The following GNAS variants were observed in gnomAD, a reference collection of about 807,000 sequenced individuals.
GNAS encodes the protein GNAS complex locus.
GNAS carries 8 observed loss-of-function variants against 54.5 expected under a neutral mutation model. The observed-to-expected ratio is 0.15, with a 90% confidence interval of 0.09 to 0.26. GNAS has a LOEUF of 0.26. Ranked by LOEUF, GNAS falls within the 10% of genes least tolerant of loss-of-function variation. The pLI is 1.00. For missense variants in GNAS, 170 were observed against 529.8 expected, an observed-to-expected ratio of 0.32 and a Z score of 6.67; for synonymous variants, 204 against 191.4, an observed-to-expected ratio of 1.07 and a Z score of -0.54.
intron 2 of GNAS, chr20:58,897,774 GAGCCT>G (rs2090203164): frequency 1.3e-5 from 2 of 152,184 alleles, no homozygotes; most frequent in Non-Finnish European, 2.9e-5. Flanking sequence ...TTCCTCATGG[GAGCCT>G]AGATACCTTA....
intron 1 of GNAS, chr20:58,850,881 G>A (rs1261994539): frequency 7.5e-6 from 3 of 398,636 alleles, no homozygotes; most frequent in Admixed American, 4.4e-5. Flanking sequence ...ACCTCTTCGG[G>A]CGTTCCAACG....
chr20:58,891,607 G>T lies in GNAS; in HGVS notation c.-120G>T. On this transcript the variant is annotated 5_prime_UTR_variant, in exon 1 of 13. Transcript: ENST00000371085. ...TCCGCCCCGCGCGCTCCTTGCCGAG[G>T]AGCCGAGCCCGCGCCCGGCCCGCCC... 2 of 968,244 alleles carry T rather than the reference G, an allele frequency of 2.1e-6. No individual in the cohort carries two copies. The highest frequency in any genetic ancestry group is 9.4e-5 in the South Asian group (2 of 21,254). The allele number at this position is 968,244 out of a possible 1,614,324, so 60.0% of individuals were successfully genotyped here.
intron 3 of GNAS, 67 bp from the exon 4 acceptor site, chr20:58,903,464 T>C (rs758774796): frequency 9.3e-6 from 12 of 1,289,472 alleles, no homozygotes; most frequent in Admixed American, 8.5e-5. Context: ...GGGATGTCTT[T>C]ATGAAAGCAG....
At chr20:58,855,600 C>T (rs1476670972) in intron 1 of GNAS, 1 of 717,432 alleles carries the variant, frequency 1.4e-6, no homozygotes, top group Non-Finnish European at 2.6e-6. Context: ...TCCGGCTGGA[C>T]AGGCCAGCGC....
At chr20:58,907,415 A>G (rs1356683860) in intron 6 of GNAS, among the ~76,000 whole-genome samples, 1 of 152,216 alleles carries the variant, frequency 6.6e-6, no homozygotes, top group Non-Finnish European at 1.5e-5. Context: ...CGCTAATTAT[A>G]GTAACGCAAA....
In GNAS at chr20:58,909,888, AT is replaced by A; in HGVS notation, c.840-61del. 6.2e-7 allele frequency: 1 copy of A among 1,613,316 alleles called. No individual in the cohort carries two copies. Among genetic ancestry groups the A allele is most frequent in the Non-Finnish European group, 8.5e-7 (1 of 1,179,714 alleles). ...TTATAGAGAAGAACCCCGTGCAAGC[AT>A]TCCAGACCCCTGGCCGAAAGCGCGC... On this transcript the variant is annotated intron_variant, in intron 10 of 12. Coordinates refer to ENST00000371085, the MANE Select transcript of GNAS (RefSeq NM_000516.7). This position sits in a 1 kb window ranked among gnomAD's most constrained non-coding sequence, Gnocchi z 7.3.
rs182674093 is a variant in GNAS at position 58,909,822 on chromosome 20, C to T, written c.839+18C>T. The T allele has an allele frequency of 1.1e-4, 170 of 1,612,842 alleles. 1 individual carries two copies. The East Asian group carries it at 2.5e-3, about 23-fold the overall frequency. ...AACAACAGGTTTGTGGAGTGACCGCCCACCCCCTGCGCTTGCCCAGGAGGC... is the reference window on the plus strand; with the variant it reads ...AACAACAGGTTTGTGGAGTGACCGCTCACCCCCTGCGCTTGCCCAGGAGGC... On this transcript the variant is annotated intron_variant, in intron 10 of 12. Transcript: ENST00000371085. The surrounding 1 kb of genome is among the most constrained non-coding windows in gnomAD (Gnocchi z 7.3).
chr20:58,866,278 T>C (rs1600777499), intron 1 of GNAS, among the ~76,000 whole-genome samples: 2 of 152,130 alleles, frequency 1.3e-5, no homozygotes, highest in African/African-American at 4.8e-5. Flanking sequence ...GACAGTTAGA[T>C]TGCAGGAGAG....
chr20:58,897,582 T>A (rs1367345101), intron 2 of GNAS: 1 of 152,200 alleles, frequency 6.6e-6, no homozygotes, highest in Non-Finnish European at 1.5e-5. Flanking sequence ...TTTAAAAATT[T>A]TTATAGAAAG....
chr20:58,909,578 C>T lies in GNAS; in HGVS notation c.717C>T (p.Asn239=), dbSNP rs141552288. The T allele has an allele frequency of 2.0e-5, 33 of 1,614,050 alleles. No homozygotes were observed. The highest frequency in any genetic ancestry group is 1.1e-4 in the African/African-American group (8 of 74,934). Residue 239 remains asparagine, a splice_region_variant and synonymous_variant, in exon 9 of 13, where the codon AAC becomes AAT. Transcript: ENST00000371085. This position sits in a 1 kb window ranked among gnomAD's most constrained non-coding sequence, Gnocchi z 7.3. ...GCCGCAAGTGGATCCAGTGCTTCAA[C>T]GGTAGGATGCTGTGGGCTTGGCTGT... The part of the protein sequence containing the change: ...DERRKWIQCF[N]DVTAIIFVVA...
chr20:58,865,365 C>T (rs1020944006), intron 1 of GNAS, among the ~76,000 whole-genome samples: 4 of 150,584 alleles, frequency 2.7e-5, no homozygotes, highest in Admixed American at 6.6e-5. Context: ...TTGCAGTGAG[C>T]CAAGATGGCA....
upstream of GNAS, chr20:58,888,450 T>G (rs1378079954): frequency 6.6e-6 from 1 of 152,252 alleles, no homozygotes; most frequent in African/African-American, 2.4e-5. Flanking sequence ...CCTAATCCCG[T>G]GCACTGCTAT....
rs566448811 is a variant in GNAS at position 58,858,210 on chromosome 20, C to T, written c.43+17324C>T. 1.2e-4 allele frequency among the ~76,000 whole-genome samples: 18 copies of T among 152,264 alleles called. No homozygotes were observed. In the South Asian group the frequency reaches 3.7e-3, roughly 32 times the overall value. On this transcript the variant is annotated intron_variant, in intron 1 of 12. Coordinates refer to the GNAS transcript ENST00000306090. Reference sequence around the variant, plus strand: ...AAACAAGACATCCATACATCCCTACCACTGAAAATGCAGATCAAATGGCTG... The same window carrying T: ...AAACAAGACATCCATACATCCCTACTACTGAAAATGCAGATCAAATGGCTG...
chr20:58,877,124 C>T (rs1016963948), intron 1 of GNAS: 19 of 150,624 alleles, frequency 1.3e-4, no homozygotes, highest in Admixed American at 1.2e-3. Context: ...CCTGACAGCA[C>T]TTTAATTATG....
chr20:58,854,402 A>G, intron 1 of GNAS: 1 of 1,566,160 alleles, frequency 6.4e-7, no homozygotes, highest in African/African-American at 1.4e-5. Flanking sequence ...CGGGGTACGG[A>G]TCCCCTGCCG....
chr20:58,842,652 G>T, intron 1 of GNAS: 1 of 397,094 alleles, frequency 2.5e-6, no homozygotes, highest in Non-Finnish European at 4.4e-6. Context: ...CCCCGCTTTT[G>T]GCTTGCCCCT....
chr20:58,868,957 A>G (rs1323425624), intron 1 of GNAS, among the ~76,000 whole-genome samples: 1 of 152,208 alleles, frequency 6.6e-6, no homozygotes, highest in Non-Finnish European at 1.5e-5. Context: ...CCGGCGCCTA[A>G]GGCAGAACCC....
intron 1 of GNAS, among the ~76,000 whole-genome samples, chr20:58,861,069 T>C (rs950948892): frequency 1.3e-5 from 2 of 152,174 alleles, no homozygotes; most frequent in Non-Finnish European, 2.9e-5. Flanking sequence ...AGTTAGTTTT[T>C]CCTCCAAATA....
chr20:58,906,285 G>C (rs2091040829), intron 6 of GNAS, among the ~76,000 whole-genome samples: 1 of 152,122 alleles, frequency 6.6e-6, no homozygotes, highest in African/African-American at 2.4e-5. Flanking sequence ...GAAGAAGGGG[G>C]AACTTAAAAC....
Sources: gnomAD v4.1 joint callset for allele counts (sites outside exome capture counted in the v4.1 genomes callset) on GRCh38, gnomAD v4.1.1 for gene constraint, Gnocchi (gnomAD v3.1) non-coding constraint, MANE v1.5 for transcripts, NCBI Gene and HGNC (gene_info 2026-07-23, HGNC 2026-07-21) for gene names.